GPR63: variants seen among roughly 807,000 people sequenced by gnomAD.
GPR63 encodes the protein G protein-coupled receptor 63, also known as probable G protein-coupled receptor 63.
In GPR63, 12 loss-of-function variants were observed where a neutral mutation model predicts 23.1. The observed-to-expected ratio is 0.52, with a 90% confidence interval of 0.33 to 0.84. The LOEUF (loss-of-function observed/expected upper bound fraction) is 0.84. Among genes scored for constraint, GPR63 ranks in the 40% least tolerant of loss-of-function variants. The probability of loss-of-function intolerance (pLI) is 0.02; values close to 1 mark genes in which losing one functional copy is unlikely to be tolerated. For synonymous variants in GPR63, 172 were observed against 191.1 expected (o/e 0.90, Z 0.82); for missense variants, 472 against 515.6 (o/e 0.92, Z 0.82).
rs1753062128 is a variant in GPR63 at position 96,795,016 on chromosome 6, A to G, written c.*3456T>C. 2 of 152,172 alleles carry G rather than the reference A, an allele frequency of 1.3e-5. No homozygotes were observed. Among genetic ancestry groups the G allele is most frequent in the Admixed American group, 6.5e-5 (1 of 15,270 alleles). 9.4% of individuals were successfully genotyped at this position (152,172 alleles called of 1,614,324 possible). On this transcript the variant is annotated 3_prime_UTR_variant, in exon 2 of 2. Coordinates refer to ENST00000229955, the MANE Select transcript of GPR63 (RefSeq NM_030784.4). ...TAAAACAGATGATATTTAAATAGAT[A>G]TATTTTCTACAGGAATGTTTCCTGA... is the stretch of plus-strand genomic sequence containing the variant.
At chr6:96,815,677 G>A (rs527538775) in intron 1 of GPR63, among the ~76,000 whole-genome samples, 6 of 152,206 alleles carry the variant, frequency 3.9e-5, no homozygotes, top group South Asian at 2.1e-4. Flanking sequence ...AGGTGTACAC[G>A]TATGTCCAAA....
At chr6:96,808,600 T>G (rs1375282196) in intron 1 of GPR63, among the ~76,000 whole-genome samples, 1 of 152,164 alleles carries the variant, frequency 6.6e-6, no homozygotes, top group Non-Finnish European at 1.5e-5. Flanking sequence ...GCTGCAGTAA[T>G]ATAAATGTTG....
chr6:96,819,965 A>C (rs1831141), intron 1 of GPR63, among the ~76,000 whole-genome samples: 46,802 of 125,386 alleles, frequency 0.37, 8,322 homozygotes, highest in African/African-American at 0.47. Flanking sequence ...ACACAGCGAG[A>C]CTCTGTCTCA....
At chr6:96,823,302 C>T (rs1185387624) in intron 1 of GPR63, among the ~76,000 whole-genome samples, 2 of 152,050 alleles carry the variant, frequency 1.3e-5, no homozygotes, top group African/African-American at 2.4e-5. Flanking sequence ...TGTGTTATTG[C>T]CCCTGAAGAC....
At chr6:96,833,536 T>C (rs1390104388) in intron 1 of GPR63, among the ~76,000 whole-genome samples, 5 of 152,208 alleles carry the variant, frequency 3.3e-5, no homozygotes, top group Non-Finnish European at 7.3e-5. Flanking sequence ...TACAGAATCA[T>C]GTCCCTTCTG....
At chr6:96,832,002 A>G (rs1177492164) in intron 1 of GPR63, among the ~76,000 whole-genome samples, 1 of 152,074 alleles carries the variant, frequency 6.6e-6, no homozygotes, top group African/African-American at 2.4e-5. Flanking sequence ...TATATCCCCA[A>G]TAAACTATGA....
intron 1 of GPR63, among the ~76,000 whole-genome samples, chr6:96,823,670 C>A (rs1259490893): frequency 6.6e-6 from 1 of 152,098 alleles, no homozygotes; most frequent in African/African-American, 2.4e-5. Context: ...CAGACTTTCA[C>A]GTTCACTTAC....
intron 1 of GPR63, among the ~76,000 whole-genome samples, chr6:96,819,647 A>G (rs1774251854): frequency 6.6e-6 from 1 of 151,724 alleles, no homozygotes; most frequent in South Asian, 2.1e-4. Context: ...ATAAACCTGC[A>G]TGTTCTGCAC....
intron 1 of GPR63, among the ~76,000 whole-genome samples, chr6:96,805,069 T>C (rs1301311750): frequency 6.6e-6 from 1 of 152,198 alleles, no homozygotes; most frequent in African/African-American, 2.4e-5. Context: ...CTTTTTCTTA[T>C]AAATTTGTTG....
chr6:96,802,899 C>T lies in GPR63; in HGVS notation c.-150-3018G>A, dbSNP rs1450393432. On this transcript the variant is annotated intron_variant, in intron 1 of 1. Transcript: ENST00000229955. ...GAAACTGAAACAATCCTGTAGATGC[C>T]CAGAGAATCTCTGGATGCCAATTAC... Among the ~76,000 whole-genome samples, 4 of 152,060 alleles carry T rather than the reference C, an allele frequency of 2.6e-5. No individual in the cohort carries two copies. In the East Asian group the frequency reaches 7.7e-4, roughly 29 times the overall value.
At chr6:96,802,653 C>T (rs13197452) in intron 1 of GPR63, among the ~76,000 whole-genome samples, 39,285 of 150,414 alleles carry the variant, frequency 0.26, 5,236 homozygotes, top group South Asian at 0.31. Flanking sequence ...CATTCTTCTG[C>T]CTCAGCCTCA....
intron 1 of GPR63, among the ~76,000 whole-genome samples, chr6:96,803,935 T>A (rs1460575749): frequency 6.6e-6 from 1 of 152,230 alleles, no homozygotes; most frequent in Non-Finnish European, 1.5e-5. Flanking sequence ...AGAAAAATTT[T>A]AAATTATGTG....
chr6:96,794,445 C>A lies in GPR63; in HGVS notation c.*4027G>T, dbSNP rs1022118172. The A allele has an allele frequency of 9.9e-5, 15 of 151,966 alleles. No homozygotes were observed. The highest frequency in any genetic ancestry group is 9.8e-4 in the Admixed American group (15 of 15,248). The allele number at this position is 151,966 out of a possible 1,614,324, so 9.4% of individuals were successfully genotyped here. Reference sequence around the variant, plus strand: ...GTTGTGAAAATAAATCTGAATGTAGCCATTCTTTAAACTTAAACTAAAAAT... The same window carrying A: ...GTTGTGAAAATAAATCTGAATGTAGACATTCTTTAAACTTAAACTAAAAAT... On this transcript the variant is annotated 3_prime_UTR_variant, in exon 2 of 2. Coordinates refer to ENST00000229955, the MANE Select transcript of GPR63 (RefSeq NM_030784.4).
chr6:96,798,579 T>G lies in GPR63; in HGVS notation c.1153A>C (p.Met385Leu). 6.2e-7 allele frequency: 1 copy of G among 1,614,188 alleles called. No homozygotes were observed. Among genetic ancestry groups the G allele is most frequent in the South Asian group, 1.1e-5 (1 of 91,082 alleles). Residue 385 changes from methionine to leucine, a missense_variant, in exon 2 of 2, where the codon ATG (methionine) becomes CTG (leucine). Coordinates refer to ENST00000229955, the MANE Select transcript of GPR63 (RefSeq NM_030784.4). ...IKKFHDACLD[M>L]MPKSFKFLPQ... ...AAAAACTTGAAGGACTTAGGCATCA[T>G]GTCCAGGCAAGCATCATGGAATTTC... is the stretch of plus-strand genomic sequence containing the variant.
intron 1 of GPR63, among the ~76,000 whole-genome samples, chr6:96,825,004 AG>A (rs1043741779): frequency 6.6e-6 from 1 of 152,202 alleles, no homozygotes; most frequent in African/African-American, 2.4e-5. Flanking sequence ...CTCAAACCAA[AG>A]GTGCAGAAAC....
At chr6:96,831,594 T>C (rs1450879404) in intron 1 of GPR63, among the ~76,000 whole-genome samples, 1 of 152,180 alleles carries the variant, frequency 6.6e-6, no homozygotes, top group Non-Finnish European at 1.5e-5. Flanking sequence ...CCAAAGGGAA[T>C]AACCATAGGT....
chr6:96,807,357 A>C (rs912757026), intron 1 of GPR63, among the ~76,000 whole-genome samples: 1 of 152,264 alleles, frequency 6.6e-6, no homozygotes, highest in African/African-American at 2.4e-5. Context: ...TCACTGTGGC[A>C]ACACAGGGAC....
intron 1 of GPR63, among the ~76,000 whole-genome samples, chr6:96,820,252 T>G (rs1304151710): frequency 1.3e-5 from 2 of 152,198 alleles, no homozygotes; most frequent in Non-Finnish European, 2.9e-5. Flanking sequence ...GCCTATCTCA[T>G]CATGCCTGCT....
chr6:96,811,744 C>CA (rs1774049075), intron 1 of GPR63, among the ~76,000 whole-genome samples: 1 of 151,674 alleles, frequency 6.6e-6, no homozygotes. Flanking sequence ...GAAGGACACA[C>CA]AAGGATGGAA....
Sources: gnomAD v4.1 joint callset for allele counts (sites outside exome capture counted in the v4.1 genomes callset) on GRCh38, gnomAD v4.1.1 for gene constraint, MANE v1.5 for transcripts, NCBI Gene and HGNC (gene_info 2026-07-23, HGNC 2026-07-21) for gene names.